Variants in SEPHS1 observed in about 807,000 individuals in gnomAD.
The protein encoded by SEPHS1 is selenophosphate synthetase 1.
Under a neutral mutation model 39.2 loss-of-function variants are expected in SEPHS1, and 7 were observed. The observed-to-expected ratio is 0.18, with a 90% CI of 0.10 to 0.34. The LOEUF is 0.34. SEPHS1 is among the 10% of genes least tolerant of loss of function. SEPHS1 has a pLI of 1.00. For missense variants in SEPHS1, 253 were observed against 514.5 expected (o/e 0.49, Z 4.92); for synonymous variants, 190 against 195.5 (o/e 0.97, Z 0.23).
At chr10:13,333,686 C>A in intron 5 of SEPHS1, 131 bp downstream of exon 5, 1 of 866,738 alleles carries the variant, frequency 1.2e-6, no homozygotes, top group Non-Finnish European at 1.8e-6. Flanking sequence ...GGTGATCTGC[C>A]CGCCTCGGCC....
chr10:13,338,978 CAT>C, intron 2 of SEPHS1, 170 bp from the exon 3 acceptor site: 2 of 619,002 alleles, frequency 3.2e-6, no homozygotes, highest in South Asian at 3.8e-5. Flanking sequence ...AAACGTGAAA[CAT>C]ATCCAGCTTA....
At chr10:13,347,743 C>T (rs1356408627) in intron 1 of SEPHS1, among the ~76,000 whole-genome samples, 1 of 144,398 alleles carries the variant, frequency 6.9e-6, no homozygotes, top group African/African-American at 2.5e-5. Flanking sequence ...CTCCCCTCCG[C>T]TCCTCCCCGC....
At chr10:13,336,883 G>A (rs188838535) in intron 3 of SEPHS1, among the ~76,000 whole-genome samples, 1,630 of 152,352 alleles carry the variant, frequency 0.011, 11 homozygotes, top group Non-Finnish European at 0.016. Context: ...GGGTGTGATA[G>A]CTCACGCCTG....
rs1468504932 is a variant in SEPHS1 at position 13,344,935 on chromosome 10, A to T, written c.16T>A (p.Ser6Thr). The T allele has an allele frequency of 3.2e-6, 5 of 1,575,164 alleles. No individual in the cohort carries two copies. Among genetic ancestry groups the T allele is most frequent in the Middle Eastern group, 2.0e-4 (1 of 4,980 alleles). ...AATTCGTAACTTTCCGGGTTAAAGG[A>T]CTCCCGCGTAGACATGGTTCTTGGG... is the stretch of plus-strand genomic sequence containing the variant. MSTRE[S>T]FNPESYELDK... is the part of the protein sequence containing the mutation. Residue 6 changes from serine to threonine, a missense_variant, in exon 2 of 9, where the codon TCC becomes ACC. Transcript: ENST00000327347.
intron 2 of SEPHS1, among the ~76,000 whole-genome samples, chr10:13,344,125 C>T (rs979134942): frequency 6.6e-6 from 1 of 152,142 alleles, no homozygotes; most frequent in African/African-American, 2.4e-5. Context: ...CCCACCTCCT[C>T]ACCGTAACAC....
chr10:13,324,203 T>C (rs1259917720), intron 7 of SEPHS1, among the ~76,000 whole-genome samples: 1 of 152,216 alleles, frequency 6.6e-6, no homozygotes, highest in Admixed American at 6.5e-5. Context: ...GACTGGCTTC[T>C]TTCACTTAGT....
chr10:13,322,421 C>G (rs1159542014), intron 8 of SEPHS1, among the ~76,000 whole-genome samples: 2 of 152,136 alleles, frequency 1.3e-5, no homozygotes, highest in African/African-American at 4.8e-5. Context: ...GCCAGTATTA[C>G]AGGCAAGAGC....
intron 7 of SEPHS1, among the ~76,000 whole-genome samples, chr10:13,328,017 T>C (rs1833355023): frequency 7.1e-6 from 1 of 140,798 alleles, no homozygotes; most frequent in Non-Finnish European, 1.6e-5. Context: ...CAAGGTTATG[T>C]TCTGGAAATA....
chr10:13,321,796 G>A (rs1004242948), intron 8 of SEPHS1, among the ~76,000 whole-genome samples: 5 of 152,238 alleles, frequency 3.3e-5, no homozygotes, highest in Non-Finnish European at 7.3e-5. Flanking sequence ...TGGCGGCCTC[G>A]GCGGCCGGCA....
intron 8 of SEPHS1, among the ~76,000 whole-genome samples, chr10:13,320,300 G>C (rs1289263864): frequency 6.6e-6 from 1 of 151,664 alleles, no homozygotes; most frequent in Non-Finnish European, 1.5e-5. Context: ...TCCTGCCTCA[G>C]CCTCCTGAGT....
chr10:13,324,711 A>G (rs1350876044), intron 7 of SEPHS1, among the ~76,000 whole-genome samples: 3 of 152,228 alleles, frequency 2.0e-5, no homozygotes, highest in African/African-American at 7.2e-5. Flanking sequence ...CCTGGGCTCA[A>G]GGGATCCTCC....
chr10:13,342,005 C>T (rs1259217182), intron 2 of SEPHS1, among the ~76,000 whole-genome samples: 4 of 147,192 alleles, frequency 2.7e-5, no homozygotes, highest in Non-Finnish European at 6.0e-5. Flanking sequence ...GATGGCGGGG[C>T]GCGGTGTCTC....
At chr10:13,333,788 C>T (rs1174165201) in intron 5 of SEPHS1, 29 bp downstream of exon 5, 3 of 1,608,232 alleles carry the variant, frequency 1.9e-6, no homozygotes, top group African/African-American at 2.7e-5. Context: ...AAAAACAGGT[C>T]AGGTGATATG....
Position 13,344,819 on chromosome 10 carries a change from A to C in SEPHS1, c.132T>G (p.Ser44=), listed in dbSNP as rs763254190. Reference sequence around the variant, plus strand: ...CTTCTTGGAAGTGGTTCTCCTGTAAAGATTCCAGCAATTTTTGCAGGACAT... The same window carrying C: ...CTTCTTGGAAGTGGTTCTCCTGTAACGATTCCAGCAATTTTTGCAGGACAT... ...PQDVLQKLLE[S]LQENHFQEDE... Residue 44 remains serine (S), a synonymous_variant, in exon 2 of 9, where the codon TCT becomes TCG. Coordinates refer to ENST00000327347, the MANE Select transcript of SEPHS1 (RefSeq NM_012247.5). The C allele has an allele frequency of 1.2e-6, 2 of 1,603,788 alleles. No homozygotes were observed. Among genetic ancestry groups the C allele is most frequent in the South Asian group, 2.3e-5 (2 of 88,610 alleles).
chr10:13,319,785 G>T (rs1833046957), intron 8 of SEPHS1, among the ~76,000 whole-genome samples: 1 of 152,100 alleles, frequency 6.6e-6, no homozygotes, highest in African/African-American at 2.4e-5. Flanking sequence ...CAGCCTAAGA[G>T]GCCTGTTCTA....
chr10:13,317,443 G>T lies in SEPHS1; in HGVS notation c.*1699C>A, dbSNP rs1832975554. On this transcript the variant is annotated 3_prime_UTR_variant, in exon 9 of 9. Coordinates refer to ENST00000327347, the MANE Select transcript of SEPHS1 (RefSeq NM_012247.5). ...CAACAGTAGGTTTATCTCACTAGAG[G>T]TTTCCAACACACTTTATTTTGCAGA... 2 of 151,270 alleles carry T rather than the reference G, an allele frequency of 1.3e-5. No individual in the cohort carries two copies. Among genetic ancestry groups the T allele is most frequent in the Non-Finnish European group, 2.9e-5 (2 of 67,920 alleles). 9.4% of individuals were successfully genotyped at this position (151,270 alleles called of 1,614,324 possible).
intron 1 of SEPHS1, among the ~76,000 whole-genome samples, chr10:13,346,174 C>T (rs867133996): frequency 2.6e-5 from 4 of 152,332 alleles, no homozygotes; most frequent in South Asian, 2.1e-4. Flanking sequence ...GCCCTGTGTA[C>T]CACCGTTAGG....
At chr10:13,333,764 G>A (rs1031467697) in intron 5 of SEPHS1, 53 bp downstream of exon 5, 2 of 1,573,914 alleles carry the variant, frequency 1.3e-6, no homozygotes, top group African/African-American at 1.4e-5. Flanking sequence ...TTTAAAAAGA[G>A]AGGACAGAGA....
At chr10:13,330,869 G>A (rs1389246469) in intron 5 of SEPHS1, among the ~76,000 whole-genome samples, 1 of 151,640 alleles carries the variant, frequency 6.6e-6, no homozygotes, top group South Asian at 2.1e-4. Flanking sequence ...AAGTTCTAGG[G>A]TACATGTACA....
Sources: gnomAD v4.1 joint callset for allele counts (sites outside exome capture counted in the v4.1 genomes callset) on GRCh38, gnomAD v4.1.1 for gene constraint, MANE v1.5 for transcripts, NCBI Gene and HGNC (gene_info 2026-07-23, HGNC 2026-07-21) for gene names.